The following RBFOX1 variants were observed in gnomAD, a reference collection of about 807,000 sequenced individuals.
RBFOX1 encodes RNA binding protein fox-1 homolog 1.
In RBFOX1, 8 loss-of-function variants were observed where a neutral mutation model predicts 57.7. That is an observed-to-expected ratio of 0.14 (90% CI 0.08 to 0.25). The LOEUF (loss-of-function observed/expected upper bound fraction) is 0.25, where lower values mean the gene tolerates loss of function less well. RBFOX1 is among the 10% of genes least tolerant of loss of function. RBFOX1 has a pLI of 1.00. For synonymous variants in RBFOX1, 326 were observed against 222.4 expected, an observed-to-expected ratio of 1.47 and a Z score of -4.15; for missense variants, 611 against 548.5, an observed-to-expected ratio of 1.11 and a Z score of -1.14.
intron 1 of RBFOX1, among the ~76,000 whole-genome samples, chr16:6,168,289 G>C (rs1597998607): frequency 6.6e-6 from 1 of 152,220 alleles, no homozygotes; most frequent in East Asian, 1.9e-4. Context: ...TCAGGCCCCA[G>C]TGGGCGATTT....
chr16:5,768,061 A>G lies in RBFOX1; in HGVS notation c.319-99242A>G, dbSNP rs537352897. ...AATTATCCAAAAATAACCCATTTCT[A>G]TTTCCAAGAGTAGACTGCATTTAAA... On this transcript the variant is annotated intron_variant, in intron 3 of 19. Coordinates refer to the RBFOX1 transcript ENST00000641259. 4.6e-5 allele frequency among the ~76,000 whole-genome samples: 7 copies of G among 152,326 alleles called. No homozygotes were observed. In the East Asian group the frequency reaches 9.6e-4, roughly 21 times the overall value.
chr16:6,468,514 C>G (rs1395093504), intron 2 of RBFOX1, among the ~76,000 whole-genome samples: 1 of 152,116 alleles, frequency 6.6e-6, no homozygotes, highest in Non-Finnish European at 1.5e-5. Context: ...ATCATTGTCA[C>G]TCAAACTGAA....
chr16:6,796,613 A>C (rs182402239), intron 3 of RBFOX1, among the ~76,000 whole-genome samples: 309 of 152,284 alleles, frequency 2.0e-3, no homozygotes, highest in Admixed American at 3.9e-3. Context: ...AACACTTTTC[A>C]AAGGAACTTT....
chr16:5,706,542 G>A (rs1175768919), intron 3 of RBFOX1, among the ~76,000 whole-genome samples: 1 of 151,990 alleles, frequency 6.6e-6, no homozygotes, highest in East Asian at 1.9e-4. Flanking sequence ...ATCTTCTCTG[G>A]GAGTTTGTTT....
At chr16:5,641,963 C>A (rs1159030634) in intron 3 of RBFOX1, among the ~76,000 whole-genome samples, 1 of 152,132 alleles carries the variant, frequency 6.6e-6, no homozygotes, top group Non-Finnish European at 1.5e-5. Flanking sequence ...TTCTACAGGT[C>A]TGAGGTGGGA....
intron 3 of RBFOX1, among the ~76,000 whole-genome samples, chr16:7,012,935 G>A (rs1016534756): frequency 2.6e-5 from 4 of 152,070 alleles, no homozygotes; most frequent in African/African-American, 9.7e-5. Flanking sequence ...CCTGGTGGAG[G>A]CTCTCTTTGT....
intron 1 of RBFOX1, among the ~76,000 whole-genome samples, chr16:5,253,656 C>G (rs1413375408): frequency 1.3e-5 from 2 of 152,216 alleles, no homozygotes; most frequent in African/African-American, 4.8e-5. Flanking sequence ...GAGATAGTTT[C>G]TATTTAGTCA....
At chr16:5,356,930 G>A (rs1180137499) in intron 1 of RBFOX1, among the ~76,000 whole-genome samples, 1 of 152,160 alleles carries the variant, frequency 6.6e-6, no homozygotes, top group Non-Finnish European at 1.5e-5. Flanking sequence ...TAGGCTAATT[G>A]CTTACATACA....
chr16:7,314,282 AC>A (rs1482173393), intron 4 of RBFOX1, among the ~76,000 whole-genome samples: 1 of 152,012 alleles, frequency 6.6e-6, no homozygotes, highest in Non-Finnish European at 1.5e-5. Flanking sequence ...TGATTTATAC[AC>A]CCCGCACCAC....
At chr16:6,132,964 C>T (rs1328225763) in intron 1 of RBFOX1, among the ~76,000 whole-genome samples, 2 of 70,204 alleles carry the variant, frequency 2.8e-5, no homozygotes, top group African/African-American at 6.7e-5. Context: ...GACTCTGTCT[C>T]AAAAAAAAAA....
intron 3 of RBFOX1, among the ~76,000 whole-genome samples, chr16:7,013,007 GGA>G (rs145239565): frequency 1.3e-5 from 2 of 152,136 alleles, no homozygotes; most frequent in East Asian, 1.9e-4. Context: ...GTGTACAGGT[GGA>G]GAGAGAGAGA....
chr16:6,699,795 G>A (rs1218911313), intron 3 of RBFOX1, among the ~76,000 whole-genome samples: 1 of 152,140 alleles, frequency 6.6e-6, no homozygotes, highest in East Asian at 1.9e-4. Context: ...ACACATGCAG[G>A]CACGGTGAAG....
At chr16:6,260,858 G>A (rs761423186) in intron 1 of RBFOX1, among the ~76,000 whole-genome samples, 6 of 151,956 alleles carry the variant, frequency 3.9e-5, no homozygotes, top group Non-Finnish European at 4.4e-5. Flanking sequence ...TCCAGCCTGG[G>A]CAACAGTGCA....
rs561856902 is a variant in RBFOX1 at position 7,664,917 on chromosome 16, G to A, written c.891-12G>A. The A allele has an allele frequency of 5.0e-6, 8 of 1,613,880 alleles. No homozygotes were observed. In the East Asian group the frequency reaches 1.8e-4, roughly 36 times the overall value. On this transcript the variant is annotated splice_polypyrimidine_tract_variant and intron_variant, in intron 12 of 15. Coordinates refer to ENST00000550418, the MANE Select transcript of RBFOX1 (RefSeq NM_018723.4). ...AATATGGATGTTTCTCTTTGTGTGT[G>A]CACCCTTGCAGTGTTGTTTACCAGG...
intron 3 of RBFOX1, among the ~76,000 whole-genome samples, chr16:6,928,040 A>G (rs1297567149): frequency 6.6e-6 from 1 of 152,010 alleles, no homozygotes; most frequent in Non-Finnish European, 1.5e-5. Context: ...TAGATTTATA[A>G]TTTCCCCAAC....
intron 3 of RBFOX1, among the ~76,000 whole-genome samples, chr16:6,875,062 C>A (rs1008317436): frequency 6.6e-6 from 1 of 151,812 alleles, no homozygotes; most frequent in African/African-American, 2.4e-5. Flanking sequence ...AAGAACAGGG[C>A]GAAAAAAATG....
At chr16:5,443,263 A>C (rs1312510389) in intron 1 of RBFOX1, among the ~76,000 whole-genome samples, 1 of 152,196 alleles carries the variant, frequency 6.6e-6, no homozygotes, top group Non-Finnish European at 1.5e-5. Flanking sequence ...GGCATATTCT[A>C]AGCTCCAGGT....
intron 3 of RBFOX1, among the ~76,000 whole-genome samples, chr16:6,727,082 C>T (rs1451858409): frequency 7.3e-6 from 1 of 136,902 alleles, no homozygotes; most frequent in African/African-American, 2.7e-5. Flanking sequence ...GAGAGAGACA[C>T]ACAAAACACA....
At chr16:7,423,296 T>A (rs114910482) in intron 4 of RBFOX1, among the ~76,000 whole-genome samples, 105 of 152,086 alleles carry the variant, frequency 6.9e-4, no homozygotes, top group Non-Finnish European at 1.3e-3. Flanking sequence ...GTTAACTGAT[T>A]AGGTATTTTC....
Sources: gnomAD v4.1 joint callset for allele counts (sites outside exome capture counted in the v4.1 genomes callset) on GRCh38, gnomAD v4.1.1 for gene constraint, MANE v1.5 for transcripts, NCBI Gene and HGNC (gene_info 2026-07-23, HGNC 2026-07-21) for gene names.